The following AUP1 variants were observed in gnomAD, a reference collection of about 807,000 sequenced individuals.
AUP1 encodes the protein lipid droplet-regulating VLDL assembly factor AUP1.
Under a neutral mutation model 51.8 loss-of-function variants are expected in AUP1, and 30 were observed. The observed-to-expected ratio is 0.58, with a 90% CI of 0.43 to 0.79. AUP1 has a LOEUF of 0.79. Ranked by LOEUF, AUP1 falls within the 30% of genes least tolerant of loss-of-function variation. The pLI, the probability that AUP1 is intolerant of heterozygous loss-of-function variation, is 0.00. For missense variants in AUP1, 492 were observed against 517.1 expected, an observed-to-expected ratio of 0.95 and a Z score of 0.47; for synonymous variants, 227 against 209.0, an observed-to-expected ratio of 1.09 and a Z score of -0.74.
At chr2:74,528,605 G>A (rs1572990577) in intron 4 of AUP1, 116 bp from the exon 5 acceptor site, 1 of 1,379,062 alleles carries the variant, frequency 7.3e-7, no homozygotes, top group East Asian at 2.4e-5. Flanking sequence ...AGAATGAAGG[G>A]ATTCAGGAGA....
chr2:74,529,442 G>A lies in AUP1; in HGVS notation c.108C>T (p.Phe36=). 1.9e-6 allele frequency: 3 copies of A among 1,572,406 alleles called. No homozygotes were observed. Among genetic ancestry groups the A allele is most frequent in the Non-Finnish European group, 2.6e-6 (3 of 1,157,994 alleles). The part of the protein sequence containing the change: ...LVLLLYAPVG[F]CLLVLRLFLG... ...GAAAGAGGCGCAGGACGAGGAGGCA[G>A]AACCCGACTGGCGCGTAGAGCAGCA... Residue 36 remains phenylalanine, a synonymous_variant, in exon 2 of 12, where the codon TTC becomes TTT. Transcript: ENST00000377526.
chr2:74,528,430 G>T lies in AUP1; in HGVS notation c.584C>A (p.Pro195His), dbSNP rs754097240. The stretch of plus-strand genomic sequence containing the variant: ...ACACACACTCACCACAGAGACCAGG[G>T]GTCTCTGAACTTGCAGGGTAAGAGG... ...VQPLTLQVQR[P>H]LVSVTVSDAS... The change falls in exon 5 of 12, where the codon CCC becomes CAC. Residue 195 changes from proline (P) to histidine (H), a missense_variant. Coordinates refer to ENST00000377526, the MANE Select transcript of AUP1 (RefSeq NM_181575.5). 1 of 1,613,714 alleles carries T rather than the reference G, an allele frequency of 6.2e-7. No individual in the cohort carries two copies. Among genetic ancestry groups the T allele is most frequent in the East Asian group, 2.2e-5 (1 of 44,876 alleles).
At chr2:74,526,894 A>T in intron 11 of AUP1, 47 bp downstream of exon 11, 1 of 1,607,900 alleles carries the variant, frequency 6.2e-7, no homozygotes, top group Non-Finnish European at 8.5e-7. Context: ...CCATAATTCC[A>T]TTCTCCAATT....
chr2:74,527,493 C>T lies in AUP1; in HGVS notation c.939G>A (p.Leu313=). ...RVKEVLPHVP[L]GVIQRDLAKT... The stretch of plus-strand genomic sequence containing the variant: ...TACCCAGGTCTCTCTGGATGACACC[C>T]AATGGCACATGGGGCAAAACTTCCT... The change falls in exon 9 of 12, where the codon TTG becomes TTA. Residue 313 remains leucine (L), a synonymous_variant. Transcript: ENST00000377526. The T allele has an allele frequency of 6.2e-7, 1 of 1,613,404 alleles. No homozygotes were observed.
intron 3 of AUP1, 46 bp downstream of exon 3, chr2:74,529,086 C>A (rs752343183): frequency 3.7e-6 from 6 of 1,613,736 alleles, no homozygotes; most frequent in Non-Finnish European, 5.1e-6. Flanking sequence ...TTCAGCTGGG[C>A]CCCAGGGAAC....
At chr2:74,529,007 G>A (rs761308093) in intron 3 of AUP1, 72 bp from the exon 4 acceptor site, 3 of 1,604,578 alleles carry the variant, frequency 1.9e-6, no homozygotes, top group African/African-American at 1.3e-5. Context: ...GACATGTTGG[G>A]TAGAGGATCG....
chr2:74,527,409 C>A, intron 9 of AUP1, 46 bp from the exon 10 acceptor site: 2 of 1,611,190 alleles, frequency 1.2e-6, no homozygotes, highest in South Asian at 2.2e-5. Flanking sequence ...TACTTTCTTC[C>A]TTCACAACCC....
chr2:74,527,977 C>T lies in AUP1; in HGVS notation c.701G>A (p.Gly234Glu), dbSNP rs775982502. The T allele has an allele frequency of 2.5e-6, 4 of 1,614,216 alleles. No individual in the cohort carries two copies. Among genetic ancestry groups the T allele is most frequent in the Non-Finnish European group, 3.4e-6 (4 of 1,180,048 alleles). ...RWLRPVHRQL[G>E]EANEEFALRV... ...GAGTGCAAACTCCTCATTCGCTTCC[C>T]CTAGTTGGCGATGAACAGGACGAAG... The change falls in exon 7 of 12, where the codon GGG becomes GAG. Residue 234 changes from glycine to glutamate, a missense_variant. Coordinates refer to ENST00000377526, the MANE Select transcript of AUP1 (RefSeq NM_181575.5).
Position 74,526,683 on chromosome 2 carries a change from T to TG in AUP1, c.*116dup. On this transcript the variant is annotated 3_prime_UTR_variant, in exon 12 of 12. Transcript: ENST00000377526. ...GAAAACCATGAATTTAATGTGACATTGGGGGAGCCTCATCCTTCCCTTTTT... is the reference window on the plus strand; with the variant it reads ...GAAAACCATGAATTTAATGTGACATTGGGGGGAGCCTCATCCTTCCCTTTTT... 8.1e-7 allele frequency: 1 copy of TG among 1,232,764 alleles called. No individual in the cohort carries two copies. The highest frequency in any genetic ancestry group is 1.1e-6 in the Non-Finnish European group (1 of 888,924). 76.4% of individuals were successfully genotyped at this position (1,232,764 alleles called of 1,614,324 possible). A position where few individuals can be genotyped will look rare whatever the true frequency, so the allele number is the denominator to read the frequency against.
chr2:74,528,392 G>A, intron 5 of AUP1, 25 bp downstream of exon 5: 1 of 1,612,294 alleles, frequency 6.2e-7, no homozygotes, highest in Non-Finnish European at 8.5e-7. Context: ...AAGCCCCAGA[G>A]ATTCCCTGTT....
chr2:74,527,302 C>T lies in AUP1; in HGVS notation c.1023G>A (p.Met341Ile). 3 of 1,614,136 alleles carry T rather than the reference C, an allele frequency of 1.9e-6. No homozygotes were observed. The highest frequency in any genetic ancestry group is 2.5e-6 in the Non-Finnish European group (3 of 1,180,020). ...TNLLEGAVAFMPEDITKGTQS... is the reference protein window; with the variant it reads ...TNLLEGAVAFIPEDITKGTQS... Reference sequence around the variant, plus strand: ...GAGTTCCCTTGGTGATGTCTTCAGGCATGAAAGCTACGGCCCCCTCAAGCA... The same window carrying T: ...GAGTTCCCTTGGTGATGTCTTCAGGTATGAAAGCTACGGCCCCCTCAAGCA... Residue 341 changes from methionine to isoleucine, a missense_variant, in exon 10 of 12, where the codon ATG becomes ATA. Physicochemically the swap from Met to Ile is conservative, Grantham distance 10 (BLOSUM62 1). Transcript: ENST00000377526.
chr2:74,528,247 CCTTA>C lies in AUP1; in HGVS notation c.668_671del (p.Val223GlyfsTer10). 1 of 1,613,586 alleles carries C rather than the reference CCTTA, an allele frequency of 6.2e-7. No individual in the cohort carries two copies. The highest frequency in any genetic ancestry group is 2.2e-5 in the East Asian group (1 of 44,884). On this transcript the variant is annotated frameshift_variant and splice_region_variant, in exon 6 of 12. Coordinates refer to ENST00000377526, the MANE Select transcript of AUP1 (RefSeq NM_181575.5). LOFTEE classifies it high-confidence loss of function. ...GACCAAAATGTGAGGACAGTTAATACCTTACTTGATACACCGTGAAAGGGACGAA... is the reference window on the plus strand; with the variant it reads ...GACCAAAATGTGAGGACAGTTAATACCTTGATACACCGTGAAAGGGACGAA...
Position 74,527,533 on chromosome 2 carries a change from A to G in AUP1, c.899T>C (p.Leu300Pro). The G allele has an allele frequency of 6.2e-7, 1 of 1,614,042 alleles. No individual in the cohort carries two copies. The highest frequency in any genetic ancestry group is 8.5e-7 in the Non-Finnish European group (1 of 1,179,978). Residue 300 changes from leucine to proline, a missense_variant, in exon 9 of 12, where the codon CTG becomes CCG. Transcript: ENST00000377526. The part of the protein sequence containing the change: ...GPSPDVQLAT[L>P]AQRVKEVLPH... ...CAAAACTTCCTTGACTCTCTGAGCC[A>G]GAGTTGCCAGTTGCACATCAGGAGA...
intron 5 of AUP1, 28 bp downstream of exon 5, chr2:74,528,389 A>C (rs750545364): frequency 1.2e-6 from 2 of 1,612,376 alleles, no homozygotes; most frequent in South Asian, 2.2e-5. Flanking sequence ...TTCAAGCCCC[A>C]GAGATTCCCT....
In AUP1 at chr2:74,526,671, T is replaced by G; in HGVS notation, c.*129A>C. On this transcript the variant is annotated 3_prime_UTR_variant, in exon 12 of 12. Transcript: ENST00000377526. The stretch of plus-strand genomic sequence containing the variant: ...GATGCCTTGAATGAAAACCATGAAT[T>G]TAATGTGACATTGGGGGAGCCTCAT... 8.6e-7 allele frequency: 1 copy of G among 1,165,726 alleles called. No homozygotes were observed. The highest frequency in any genetic ancestry group is 1.2e-6 in the Non-Finnish European group (1 of 832,772). The allele number at this position is 1,165,726 out of a possible 1,614,324, so 72.2% of individuals were successfully genotyped here.
In AUP1 at chr2:74,529,278, C is replaced by G. The variant is rs1475281114; in HGVS notation, c.193G>C (p.Val65Leu). The change falls in exon 3 of 12, where the codon GTA becomes CTA. Residue 65 changes from valine (V) to leucine (L), a missense_variant. Physicochemically the swap from Val to Leu is conservative, Grantham distance 32. Coordinates refer to ENST00000377526, the MANE Select transcript of AUP1 (RefSeq NM_181575.5). Reference protein sequence around the residue: ...ALPDSVLRRFVVRTMCAVLGL... With the variant: ...ALPDSVLRRFLVRTMCAVLGL... ...AGCACCGCACACATGGTCCGCACTA[C>G]GAATCTGGGGACACAGGAGGTGGTG... 3.1e-6 allele frequency: 5 copies of G among 1,614,230 alleles called. No homozygotes were observed. Among genetic ancestry groups the G allele is most frequent in the Non-Finnish European group, 4.2e-6 (5 of 1,180,030 alleles).
Position 74,527,989 on chromosome 2 carries a change from T to G in AUP1, c.689A>C (p.His230Pro). The G allele has an allele frequency of 6.2e-7, 1 of 1,614,218 alleles. No individual in the cohort carries two copies. Among genetic ancestry groups the G allele is most frequent in the South Asian group, 1.1e-5 (1 of 91,084 alleles). Residue 230 changes from histidine (H) to proline (P), a missense_variant, in exon 7 of 12, where the codon CAT becomes CCT. Transcript: ENST00000377526. ...VYQVRWLRPV[H>P]RQLGEANEEF... ...CTCATTCGCTTCCCCTAGTTGGCGA[T>G]GAACAGGACGAAGCCACCTGCAAAG... is the stretch of plus-strand genomic sequence containing the variant.
In AUP1 at chr2:74,527,555, G is replaced by C; in HGVS notation, c.877C>G (p.Pro293Ala). 1 of 1,613,506 alleles carries C rather than the reference G, an allele frequency of 6.2e-7. No homozygotes were observed. Among genetic ancestry groups the C allele is most frequent in the East Asian group, 2.2e-5 (1 of 44,886 alleles). The change falls in exon 9 of 12, where the codon CCT (proline) becomes GCT (alanine). Residue 293 changes from proline to alanine, a missense_variant. Pro to Ala is a conservative substitution (Grantham distance 27, BLOSUM62 -1). Transcript: ENST00000377526. ...GCCAGAGTTGCCAGTTGCACATCAG[G>C]AGAAGGACCAGGGGAGGGAGGGAAA... Reference protein sequence around the residue: ...SSFPPSPGPSPDVQLATLAQR... With the variant: ...SSFPPSPGPSADVQLATLAQR...
intron 4 of AUP1, 46 bp downstream of exon 4, chr2:74,528,705 C>G: frequency 1.3e-6 from 2 of 1,547,746 alleles, no homozygotes; most frequent in Non-Finnish European, 1.7e-6. Flanking sequence ...GGCCCACAAG[C>G]TTGACCACCT....
Sources: allele counts gnomAD v4.1 joint callset, GRCh38; gene constraint gnomAD v4.1.1; transcripts MANE v1.5; gene names NCBI Gene and HGNC (gene_info 2026-07-23, HGNC 2026-07-21).